GCN1: variants seen among roughly 807,000 people sequenced by gnomAD.
The protein encoded by GCN1 is stalled ribosome sensor GCN1.
Under a neutral mutation model 288.4 loss-of-function variants are expected in GCN1, and 90 were observed. The observed-to-expected ratio is 0.31, with a 90% CI of 0.26 to 0.37. The LOEUF (loss-of-function observed/expected upper bound fraction) is 0.37, where lower values mean the gene tolerates loss of function less well. Among genes scored for constraint, GCN1 ranks in the 10% least tolerant of loss-of-function variants. The pLI is 1.00. For missense variants in GCN1, 2,586 were observed against 3,419.9 expected (o/e 0.76, Z 6.08); for synonymous variants, 1,386 against 1,420.2 (o/e 0.98, Z 0.54).
chr12:120,155,074 G>T lies in GCN1; in HGVS notation c.3631-34C>A. 6.3e-7 allele frequency: 1 copy of T among 1,591,238 alleles called. No homozygotes were observed. Among genetic ancestry groups the T allele is most frequent in the Non-Finnish European group, 8.6e-7 (1 of 1,159,160 alleles). On this transcript the variant is annotated intron_variant, in intron 30 of 57. Transcript: ENST00000300648. This position sits in a 1 kb window ranked among gnomAD's most constrained non-coding sequence, Gnocchi z 4.9. Reference sequence around the variant, plus strand: ...GACAAGTTGGTAAATGCTTTGCAACGGGCAGATCAATGACCTGGGCACCAG... The same window carrying T: ...GACAAGTTGGTAAATGCTTTGCAACTGGCAGATCAATGACCTGGGCACCAG...
intron 20 of GCN1, among the ~76,000 whole-genome samples, chr12:120,162,591 G>C (rs1294430860): frequency 1.3e-5 from 2 of 152,332 alleles, no homozygotes; most frequent in East Asian, 3.9e-4. Context: ...CAGAGTAAGA[G>C]AGACATCACC....
rs369895402 is a variant in GCN1, at chr12:120,144,409, G to A, written c.5392C>T (p.Leu1798=). Reference sequence around the variant, plus strand: ...GAGATAACCCGCTGGCCCGCGCGCAGGGCGGTGTCACGCACAAACTCATTC... The same window carrying A: ...GAGATAACCCGCTGGCCCGCGCGCAAGGCGGTGTCACGCACAAACTCATTC... ...DENEFVRDTA[L]RAGQRVISMY... Residue 1798 remains leucine (L), a synonymous_variant, in exon 42 of 58, where the codon CTG becomes TTG. Transcript: ENST00000300648. This position sits in a 1 kb window ranked among gnomAD's most constrained non-coding sequence, Gnocchi z 4.7. 3.7e-6 allele frequency: 6 copies of A among 1,614,120 alleles called. No homozygotes were observed. In the Admixed American group the frequency reaches 8.3e-5, roughly 22 times the overall value.
At chr12:120,186,249 G>T (rs893590368) in intron 2 of GCN1, among the ~76,000 whole-genome samples, 1 of 152,084 alleles carries the variant, frequency 6.6e-6, no homozygotes, top group African/African-American at 2.4e-5. Flanking sequence ...TAAGGTGGGA[G>T]GATCACCTAA....
In GCN1 at chr12:120,155,762, G is replaced by A; in HGVS notation, c.3313-43C>T. Reference sequence around the variant, plus strand: ...GGACCGTGTGAGGCATCATCTTTCAGAAGAGCCTCTGACCTGCCTCCTCAC... The same window carrying A: ...GGACCGTGTGAGGCATCATCTTTCAAAAGAGCCTCTGACCTGCCTCCTCAC... On this transcript the variant is annotated intron_variant, in intron 28 of 57. Coordinates refer to ENST00000300648, the MANE Select transcript of GCN1 (RefSeq NM_006836.2). This position sits in a 1 kb window ranked among gnomAD's most constrained non-coding sequence, Gnocchi z 4.9. The A allele has an allele frequency of 6.2e-7, 1 of 1,609,118 alleles. No homozygotes were observed. Among genetic ancestry groups the A allele is most frequent in the Non-Finnish European group, 8.5e-7 (1 of 1,176,862 alleles).
At chr12:120,169,286 A>AG (rs1399382721) in intron 15 of GCN1, among the ~76,000 whole-genome samples, 3 of 84,418 alleles carry the variant, frequency 3.6e-5, no homozygotes, top group Admixed American at 1.0e-4. Context: ...CAAAAAAAAA[A>AG]AAAAAAAAAG....
At chr12:120,151,117 G>A in intron 34 of GCN1, 28 bp downstream of exon 34, 3 of 1,605,866 alleles carry the variant, frequency 1.9e-6, no homozygotes, top group South Asian at 1.1e-5. Context: ...TTCCCATGCT[G>A]GGCAGCCCCA....
Position 120,138,839 on chromosome 12 carries a change from T to A in GCN1, c.6012A>T (p.Glu2004Asp), listed in dbSNP as rs1275552863. 1 of 1,612,328 alleles carries A rather than the reference T, an allele frequency of 6.2e-7. No individual in the cohort carries two copies. The highest frequency in any genetic ancestry group is 1.7e-5 in the Admixed American group (1 of 59,840). ...TSRDAVLYFS[E>D]SLVPTARKAL... ...CCTTCCTTGCCGTGGGCACGAGGGA[T>A]TCAGAGAAATACAGCACCTGCAATG... Residue 2004 changes from glutamate (E) to aspartate (D), a missense_variant, in exon 46 of 58, where the codon GAA becomes GAT. Around this residue, in one of 8 missense-constraint regions of GCN1, gnomAD observed 437 missense variants for 570.5 expected, o/e 0.77. Coordinates refer to ENST00000300648, the MANE Select transcript of GCN1 (RefSeq NM_006836.2).
chr12:120,130,651 C>G lies in GCN1; in HGVS notation c.7666G>C (p.Val2556Leu), dbSNP rs200903918. 12 of 1,610,152 alleles carry G rather than the reference C, an allele frequency of 7.5e-6. No homozygotes were observed. In the South Asian group the frequency reaches 1.2e-4, roughly 16 times the overall value. Residue 2556 changes from valine to leucine, a missense_variant, in exon 56 of 58, where the codon GTT becomes CTT. By Grantham distance (32) the Val-to-Leu change is conservative. This residue lies in a region of GCN1 where 355 missense variants were observed against 431.1 expected (regional missense o/e 0.82). Transcript: ENST00000300648. The stretch of plus-strand genomic sequence containing the variant: ...CATGCTTGGCCCCCACTCACCTTAA[C>G]GAACAGGCTGGAAAGTTTGGCCGGC... The part of the protein sequence containing the change: ...QLPAKLSSLF[V>L]KCLQNPSSDI...
intron 18 of GCN1, among the ~76,000 whole-genome samples, chr12:120,164,099 ACAAAAACCC>A (rs1878023233): frequency 6.6e-6 from 1 of 152,178 alleles, no homozygotes; most frequent in African/African-American, 2.4e-5. Context: ...ACAAAACAAA[ACAAAAACCC>A]CAAAAACCCT....
At chr12:120,165,047 ATATAT>A (rs1341235654) in intron 16 of GCN1, among the ~76,000 whole-genome samples, 25 of 148,984 alleles carry the variant, frequency 1.7e-4, no homozygotes, top group African/African-American at 5.8e-4. Context: ...ATATATATAT[ATATAT>A]TTTTTTTTTT....
In GCN1 at chr12:120,154,986, C is replaced by A; in HGVS notation, c.3685G>T (p.Asp1229Tyr). ...TTGTTATACCTGGCTTCCCACTGAT[C>A]TGGAGGAGATTCTGAAATAACTCGT... ...LGRVISESPP[D>Y]QWEARCGLAL... Residue 1229 changes from aspartate (D) to tyrosine (Y), a missense_variant, in exon 31 of 58, where the codon GAT becomes TAT. By Grantham distance (160) the Asp-to-Tyr change is radical. Transcript: ENST00000300648. The A allele has an allele frequency of 6.2e-7, 1 of 1,613,702 alleles. No homozygotes were observed. Among genetic ancestry groups the A allele is most frequent in the Non-Finnish European group, 8.5e-7 (1 of 1,179,556 alleles).
In GCN1 at chr12:120,178,962, AG is replaced by A. The variant is rs35345924; in HGVS notation, c.427-13del. The A allele has an allele frequency of 6.2e-6, 10 of 1,610,110 alleles. No individual in the cohort carries two copies. The East Asian group carries it at 2.2e-4, about 36-fold the overall frequency. Reference sequence around the variant, plus strand: ...CACTGCACTTCCACCTGCCAGGACCAGGGAAGACTCAGGTCAAGGTGGGACA... The same window carrying A: ...CACTGCACTTCCACCTGCCAGGACCAGGAAGACTCAGGTCAAGGTGGGACA... On this transcript the variant is annotated splice_polypyrimidine_tract_variant and intron_variant, in intron 5 of 57. Coordinates refer to ENST00000300648, the MANE Select transcript of GCN1 (RefSeq NM_006836.2).
Position 120,138,061 on chromosome 12 carries a change from C to A in GCN1, c.6250-17G>T. The A allele has an allele frequency of 6.2e-7, 1 of 1,604,072 alleles. No individual in the cohort carries two copies. The highest frequency in any genetic ancestry group is 2.3e-5 in the East Asian group (1 of 44,444). On this transcript the variant is annotated splice_polypyrimidine_tract_variant and intron_variant, in intron 47 of 57. Transcript: ENST00000300648. ...CGTTGTCAGCTGGTGGAATGACAAA[C>A]ATTAACTCAGTGAATACTGTGCCAG...
At chr12:120,138,512 T>C in intron 46 of GCN1, 97 bp from the exon 47 acceptor site, 1 of 1,016,850 alleles carries the variant, frequency 9.8e-7, no homozygotes, top group Non-Finnish European at 1.6e-6. Flanking sequence ...CCCTCCCTCC[T>C]GTTGCACCCA....
chr12:120,165,036 C>CAT (rs1303147395), intron 16 of GCN1, among the ~76,000 whole-genome samples: 30 of 95,052 alleles, frequency 3.2e-4, no homozygotes, highest in African/African-American at 9.0e-4. Context: ...CACACACACA[C>CAT]ATATATATAT....
intron 33 of GCN1, among the ~76,000 whole-genome samples, chr12:120,152,637 G>GCACA (rs60288659): frequency 1.1e-3 from 114 of 107,274 alleles, no homozygotes; most frequent in African/African-American, 3.8e-3. Context: ...ACACACACGC[G>GCACA]CACACACACA....
chr12:120,141,153 C>T (rs1877182287), intron 44 of GCN1, 130 bp from the exon 45 acceptor site: 1 of 759,750 alleles, frequency 1.3e-6, no homozygotes, highest in South Asian at 1.7e-5. Flanking sequence ...TCCCCAAATG[C>T]TCTTACCCCT....
Position 120,134,955 on chromosome 12 carries a change from A to C in GCN1, c.7009-229T>G, listed in dbSNP as rs751550660. Among the ~76,000 whole-genome samples the C allele has an allele frequency of 6.6e-6, 1 of 152,224 alleles. No homozygotes were observed. Among genetic ancestry groups the C allele is most frequent in the African/African-American group, 2.4e-5 (1 of 41,462 alleles). ...ACACTGGAGGAGCAGGAGGCCGAGG[A>C]GGCGGCGGCCGCTATCTGAGGGAGC... On this transcript the variant is annotated intron_variant, in intron 51 of 57. Transcript: ENST00000300648. This position sits in a 1 kb window ranked among gnomAD's most constrained non-coding sequence, Gnocchi z 5.0.
In GCN1 at chr12:120,144,722, T is replaced by C. The variant is rs748105546; in HGVS notation, c.5269A>G (p.Ile1757Val). Residue 1757 changes from isoleucine to valine, a missense_variant, in exon 41 of 58, where the codon ATT becomes GTT. This residue lies in a region of GCN1 where 371 missense variants were observed against 572.6 expected (regional missense o/e 0.65). Transcript: ENST00000300648. This position sits in a 1 kb window ranked among gnomAD's most constrained non-coding sequence, Gnocchi z 4.7. Reference protein sequence around the residue: ...DIAPHVRDGYIMMFNYLPITF... With the variant: ...DIAPHVRDGYVMMFNYLPITF... Reference sequence around the variant, plus strand: ...ATGGGCAGGTAGTTAAACATCATAATGTAGCCATCTCGGACATGGGGTGCA... The same window carrying C: ...ATGGGCAGGTAGTTAAACATCATAACGTAGCCATCTCGGACATGGGGTGCA... 6 of 1,613,994 alleles carry C rather than the reference T, an allele frequency of 3.7e-6. No individual in the cohort carries two copies. Among genetic ancestry groups the C allele is most frequent in the Non-Finnish European group, 4.2e-6 (5 of 1,179,920 alleles).
Sources: allele counts gnomAD v4.1 joint callset (sites outside exome capture counted in the v4.1 genomes callset), GRCh38; gene constraint gnomAD v4.1.1; regional missense constraint gnomAD v4.1.1; non-coding constraint Gnocchi (gnomAD v3.1); transcripts MANE v1.5; gene names NCBI Gene and HGNC (gene_info 2026-07-23, HGNC 2026-07-21).